The following PARD3 variants were observed in gnomAD, a reference collection of about 807,000 sequenced individuals.
PARD3 encodes the protein partitioning defective 3 homolog.
PARD3 carries 75 observed loss-of-function variants against 155.4 expected under a neutral mutation model. The observed-to-expected ratio is 0.48, with a 90% confidence interval of 0.40 to 0.58. PARD3 has a LOEUF of 0.58. Ranked by LOEUF, PARD3 falls within the 20% of genes least tolerant of loss-of-function variation. PARD3 has a pLI of 0.00. For missense variants in PARD3, 1,642 were observed against 1,721.7 expected (o/e 0.95, Z 0.82); for synonymous variants, 576 against 610.5 (o/e 0.94, Z 0.83).
intron 22 of PARD3, among the ~76,000 whole-genome samples, chr10:34,152,878 T>C (rs1212001780): frequency 1.3e-5 from 2 of 152,168 alleles, no homozygotes. Flanking sequence ...TTAAAGAGCA[T>C]TCCAATGATA....
chr10:34,690,029 C>T (rs1437440972), intron 2 of PARD3, among the ~76,000 whole-genome samples: 1 of 152,138 alleles, frequency 6.6e-6, no homozygotes, highest in South Asian at 2.1e-4. Context: ...CTGCAACCTC[C>T]GTCCCCTGGG....
chr10:34,145,210 TATATATATA>T (rs1948419784), intron 22 of PARD3, among the ~76,000 whole-genome samples: 3 of 72,018 alleles, frequency 4.2e-5, no homozygotes, highest in African/African-American at 1.4e-4. Context: ...TATATATATA[TATATATATA>T]TATTTTTTTT....
intron 2 of PARD3, among the ~76,000 whole-genome samples, chr10:34,563,401 A>G (rs1324239292): frequency 6.6e-6 from 1 of 151,792 alleles, no homozygotes; most frequent in Non-Finnish European, 1.5e-5. Flanking sequence ...AGAGTCTCGC[A>G]CTCTCACCAG....
chr10:34,410,377 T>C (rs993009204), intron 5 of PARD3, among the ~76,000 whole-genome samples: 14 of 152,128 alleles, frequency 9.2e-5, no homozygotes, highest in Non-Finnish European at 2.9e-5. Flanking sequence ...TATCATTTTA[T>C]TGCAATCATT....
intron 5 of PARD3, among the ~76,000 whole-genome samples, chr10:34,425,950 T>C (rs939346540): frequency 3.3e-5 from 5 of 152,288 alleles, no homozygotes; most frequent in Admixed American, 3.3e-4. Flanking sequence ...AACACAACAA[T>C]GATTCCAATC....
At chr10:34,398,688 T>C (rs746181811) in intron 7 of PARD3, among the ~76,000 whole-genome samples, 1 of 152,090 alleles carries the variant, frequency 6.6e-6, no homozygotes, top group Non-Finnish European at 1.5e-5. Context: ...AAACCAAAAA[T>C]ATCACAACAG....
Position 34,111,388 on chromosome 10 carries a change from C to T in PARD3, c.3843G>A (p.Gln1281=). The change falls in exon 25 of 25, where the codon CAG becomes CAA. Residue 1281 remains glutamine, a synonymous_variant. Coordinates refer to ENST00000374788, the MANE Select transcript of PARD3 (RefSeq NM_001184785.2). ...GFNARVMLET[Q]ELLRQEQRRK... is the part of the protein sequence containing the mutation. ...GCCTCTGTTCCTGGCGAAGGAGCTC[C>T]TGAGTTTCCAGCATGACCCTGGCGT... The T allele has an allele frequency of 1.2e-6, 2 of 1,614,172 alleles. No individual in the cohort carries two copies. Among genetic ancestry groups the T allele is most frequent in the Non-Finnish European group, 1.7e-6 (2 of 1,180,024 alleles).
At chr10:34,200,937 C>T (rs1951181289) in intron 22 of PARD3, among the ~76,000 whole-genome samples, 1 of 152,204 alleles carries the variant, frequency 6.6e-6, no homozygotes, top group African/African-American at 2.4e-5. Flanking sequence ...TCTGGCAGCT[C>T]CTTGGCAACC....
At chr10:34,775,539 C>T (rs1331082894) in intron 1 of PARD3, among the ~76,000 whole-genome samples, 1 of 152,122 alleles carries the variant, frequency 6.6e-6, no homozygotes, top group Non-Finnish European at 1.5e-5. Flanking sequence ...GGACAAGTCT[C>T]CTTACAGGAC....
intron 22 of PARD3, among the ~76,000 whole-genome samples, chr10:34,180,553 T>C (rs1338977667): frequency 6.6e-6 from 1 of 152,172 alleles, no homozygotes; most frequent in Non-Finnish European, 1.5e-5. Flanking sequence ...ATAAAAATGA[T>C]TTAACACATG....
intron 20 of PARD3, among the ~76,000 whole-genome samples, chr10:34,303,896 A>G (rs76444165): frequency 1.3e-5 from 2 of 152,188 alleles, no homozygotes; most frequent in East Asian, 3.9e-4. Context: ...AAAAGACCTC[A>G]TAATTGTTTT....
intron 21 of PARD3, among the ~76,000 whole-genome samples, chr10:34,273,434 A>G (rs992463373): frequency 2.0e-5 from 3 of 152,196 alleles, no homozygotes; most frequent in African/African-American, 7.2e-5. Context: ...GCATTCTCAA[A>G]ATGACAAAAG....
chr10:34,343,391 T>C, intron 15 of PARD3: 1 of 984,042 alleles, frequency 1.0e-6, no homozygotes, highest in Non-Finnish European at 1.2e-6. Flanking sequence ...CATATGATTT[T>C]TTTTGTAATC....
chr10:34,512,416 C>A (rs576699901), intron 3 of PARD3, among the ~76,000 whole-genome samples: 1 of 152,314 alleles, frequency 6.6e-6, no homozygotes, highest in South Asian at 2.1e-4. Context: ...CCAGCAGGAG[C>A]ATCGTGTTGT....
At chr10:34,200,806 G>A (rs1184354762) in intron 22 of PARD3, among the ~76,000 whole-genome samples, 1 of 152,206 alleles carries the variant, frequency 6.6e-6, no homozygotes, top group African/African-American at 2.4e-5. Context: ...AGACGCCAGG[G>A]CTATAAGAGC....
intron 2 of PARD3, among the ~76,000 whole-genome samples, chr10:34,586,585 CATA>C (rs2088076205): frequency 6.6e-6 from 1 of 152,112 alleles, no homozygotes; most frequent in South Asian, 2.1e-4. Context: ...CTGTAAAATG[CATA>C]ATGATTAAAG....
chr10:34,251,274 G>T (rs139678233), intron 22 of PARD3, among the ~76,000 whole-genome samples: 111 of 152,290 alleles, frequency 7.3e-4, no homozygotes, highest in African/African-American at 2.5e-3. Context: ...TCATACCCAT[G>T]CAAAAACAAT....
chr10:34,394,197 T>G (rs1490048850), intron 7 of PARD3, among the ~76,000 whole-genome samples: 1 of 152,154 alleles, frequency 6.6e-6, no homozygotes, highest in Non-Finnish European at 1.5e-5. Flanking sequence ...GGCTAATGTT[T>G]GTATTTTTAG....
At chr10:34,489,048 A>G (rs932501353) in intron 3 of PARD3, among the ~76,000 whole-genome samples, 8 of 152,222 alleles carry the variant, frequency 5.3e-5, no homozygotes, top group Admixed American at 1.3e-4. Flanking sequence ...CCAAAGACAA[A>G]TATCTACAGC....
Sources: gnomAD v4.1 joint callset for allele counts (sites outside exome capture counted in the v4.1 genomes callset) on GRCh38, gnomAD v4.1.1 for gene constraint, MANE v1.5 for transcripts, NCBI Gene and HGNC (gene_info 2026-07-23, HGNC 2026-07-21) for gene names.